Variants in POC1B observed in about 807,000 individuals in gnomAD.
POC1B encodes POC1 centriolar protein B.
In POC1B, 44 loss-of-function variants were observed where a neutral mutation model predicts 60.6. The ratio of observed to expected loss-of-function variants is 0.73; its 90% confidence interval spans 0.57 to 0.93. The LOEUF (loss-of-function observed/expected upper bound fraction) is 0.93. POC1B is among the 40% of genes least tolerant of loss of function. The pLI is 0.00. For synonymous variants in POC1B, 180 were observed against 198.9 expected (o/e 0.90, Z 0.80); for missense variants, 555 against 572.3 (o/e 0.97, Z 0.31).
intron 2 of POC1B, chr12:89,522,259 C>T: frequency 2.5e-6 from 1 of 398,192 alleles, no homozygotes; most frequent in Non-Finnish European, 4.4e-6. Flanking sequence ...TCCAATTACA[C>T]ATATCTCTAA....
intron 2 of POC1B, chr12:89,523,469 C>T: frequency 6.2e-7 from 1 of 1,613,796 alleles, no homozygotes; most frequent in Non-Finnish European, 8.5e-7. Flanking sequence ...AACACATGGC[C>T]CACGTGGGAA....
At chr12:89,457,546 T>C (rs1882308562) in intron 10 of POC1B, among the ~76,000 whole-genome samples, 1 of 152,250 alleles carries the variant, frequency 6.6e-6, no homozygotes, top group Non-Finnish European at 1.5e-5. Context: ...TCTACCTAGA[T>C]GGGAGTTTAT....
intron 9 of POC1B, 110 bp from the exon 10 acceptor site, chr12:89,459,828 ATTGG>A: frequency 1.7e-6 from 1 of 581,476 alleles, no homozygotes; most frequent in Non-Finnish European, 2.8e-6. Context: ...ATTAAAATAT[ATTGG>A]TATATTCATT....
At chr12:89,401,916 C>T in the POC1B span, among the ~76,000 whole-genome samples, 7 of 152,308 alleles carry the variant, frequency 4.6e-5, no homozygotes, top group East Asian at 5.8e-4. Context: ...ACGAACAATA[C>T]GAGTCAAACT....
chr12:89,472,528 A>T, intron 4 of POC1B: 1 of 320,000 alleles, frequency 3.1e-6, no homozygotes. Flanking sequence ...TTATTAAAAT[A>T]ATTTTGGTTT....
chr12:89,447,784 C>T (rs1246425653), intron 10 of POC1B, among the ~76,000 whole-genome samples: 1 of 151,712 alleles, frequency 6.6e-6, no homozygotes, highest in Non-Finnish European at 1.5e-5. Context: ...ATTTTACGAA[C>T]CTAAAGCTTC....
chr12:89,503,967 CG>C (rs1869757666), intron 2 of POC1B, among the ~76,000 whole-genome samples: 1 of 149,054 alleles, frequency 6.7e-6, no homozygotes, highest in Admixed American at 6.7e-5. Context: ...GCCCGGCAGC[CG>C]CCCCGTCCGG....
intron 11 of POC1B, among the ~76,000 whole-genome samples, chr12:89,421,839 T>C (rs1880547924): frequency 6.6e-6 from 1 of 152,318 alleles, no homozygotes; most frequent in Non-Finnish European, 1.5e-5. Flanking sequence ...GCATGTAAAA[T>C]GCTTACGCTA....
At position 89,497,322 on chromosome 12, in the gene POC1B, A is replaced by T; in HGVS notation, c.121T>A (p.Phe41Ile). ...KQLATASWDT[F>I]LMLWNFKPHA... The stretch of plus-strand genomic sequence containing the variant: ...GGCTTGAAATTCCATAGCATGAGAA[A>T]GGTATCCCAAGAAGCAGTAGCTATC... Residue 41 changes from phenylalanine to isoleucine, a missense_variant, in exon 3 of 12, where the codon TTT becomes ATT. Phe to Ile is a conservative substitution (Grantham distance 21). Transcript: ENST00000313546. 3 of 1,612,368 alleles carry T rather than the reference A, an allele frequency of 1.9e-6. No homozygotes were observed. Among genetic ancestry groups the T allele is most frequent in the Non-Finnish European group, 2.5e-6 (3 of 1,179,836 alleles).
chr12:89,479,802 A>G (rs1487393874), intron 4 of POC1B, among the ~76,000 whole-genome samples: 1 of 152,170 alleles, frequency 6.6e-6, no homozygotes, highest in African/African-American at 2.4e-5. Context: ...GATCCTCTAC[A>G]TTCATTTAAG....
intron 4 of POC1B, among the ~76,000 whole-genome samples, chr12:89,482,070 T>C (rs1023815214): frequency 6.6e-6 from 1 of 152,144 alleles, no homozygotes; most frequent in Non-Finnish European, 1.5e-5. Context: ...ACAGGACATA[T>C]GAAGCAGCAG....
chr12:89,502,515 A>T lies in POC1B; in HGVS notation c.101-5173T>A, dbSNP rs1052334670. ...TCTAATAAGAAAAGGATCTGTCTTGATAACGATGAAAGAAAGACTAGCTTA... is the reference window on the plus strand; with the variant it reads ...TCTAATAAGAAAAGGATCTGTCTTGTTAACGATGAAAGAAAGACTAGCTTA... On this transcript the variant is annotated intron_variant, in intron 2 of 11. Transcript: ENST00000313546. The T allele has an allele frequency of 6.5e-6, 7 of 1,079,510 alleles. No individual in the cohort carries two copies. The South Asian group carries it at 9.4e-5, about 14-fold the overall frequency. 66.9% of individuals were successfully genotyped at this position (1,079,510 alleles called of 1,614,324 possible).
intron 2 of POC1B, chr12:89,523,505 C>T (rs749694837): frequency 1.2e-6 from 2 of 1,611,050 alleles, no homozygotes; most frequent in Non-Finnish European, 1.7e-6. Flanking sequence ...AATTTGCCAC[C>T]ACACTGCCAC....
At chr12:89,473,962 T>C (rs949075850) in intron 4 of POC1B, among the ~76,000 whole-genome samples, 3 of 151,988 alleles carry the variant, frequency 2.0e-5, no homozygotes, top group Non-Finnish European at 4.4e-5. Context: ...CCCAGCAGTT[T>C]GGGAGGCCGA....
chr12:89,425,316 T>C lies in POC1B; in HGVS notation c.1177A>G (p.Asn393Asp). Residue 393 changes from asparagine to aspartate, a missense_variant, in exon 11 of 12, where the codon AAC becomes GAC. Coordinates refer to ENST00000313546, the MANE Select transcript of POC1B (RefSeq NM_172240.3). ...CATTCTGGTGACATTAAGGAAGGGTTCAAGAAATATCCACAGGCCTCTTCA... is the reference window on the plus strand; with the variant it reads ...CATTCTGGTGACATTAAGGAAGGGTCCAAGAAATATCCACAGGCCTCTTCA... ...KGEEACGYFLNPSLMSPECLP... is the reference protein window; with the variant it reads ...KGEEACGYFLDPSLMSPECLP... 1 of 1,614,168 alleles carries C rather than the reference T, an allele frequency of 6.2e-7. No homozygotes were observed. The highest frequency in any genetic ancestry group is 1.6e-4 in the Middle Eastern group (1 of 6,062).
intron 9 of POC1B, among the ~76,000 whole-genome samples, chr12:89,466,134 A>G (rs1161853542): frequency 1.3e-5 from 2 of 152,262 alleles, no homozygotes; most frequent in Non-Finnish European, 2.9e-5. Context: ...CAGCTGAAGA[A>G]GAATAATGCA....
At chr12:89,485,409 T>C (rs533503614) in intron 4 of POC1B, 1 of 152,348 alleles carries the variant, frequency 6.6e-6, no homozygotes, top group East Asian at 1.9e-4. Context: ...TGTTGTAGTG[T>C]ACATAAATAA....
chr12:89,411,901 C>T, the POC1B span, among the ~76,000 whole-genome samples: 1 of 152,218 alleles, frequency 6.6e-6, no homozygotes, highest in South Asian at 2.1e-4. Flanking sequence ...TTTATCTTCT[C>T]ACAGACCTTG....
At chr12:89,485,798 G>A (rs1327682766) in intron 4 of POC1B, among the ~76,000 whole-genome samples, 5 of 152,226 alleles carry the variant, frequency 3.3e-5, no homozygotes, top group African/African-American at 1.2e-4. Context: ...TTGCTTTAGA[G>A]ATAAACCTAA....
Sources: allele counts gnomAD v4.1 joint callset (sites outside exome capture counted in the v4.1 genomes callset), GRCh38; gene constraint gnomAD v4.1.1; transcripts MANE v1.5; gene names NCBI Gene and HGNC (gene_info 2026-07-23, HGNC 2026-07-21).